The following ZHX1 variants were observed in gnomAD, a reference collection of about 807,000 sequenced individuals.
ZHX1 encodes the protein zinc fingers and homeoboxes protein 1.
Under a neutral mutation model 61.8 loss-of-function variants are expected in ZHX1, and 20 were observed. That is an observed-to-expected ratio of 0.32 (90% CI 0.23 to 0.47). The LOEUF (loss-of-function observed/expected upper bound fraction) is 0.47, where lower values mean the gene tolerates loss of function less well. ZHX1 is among the 20% of genes least tolerant of loss of function. The pLI is 1.00. For synonymous variants in ZHX1, 318 were observed against 352.6 expected, an observed-to-expected ratio of 0.90 and a Z score of 1.10; for missense variants, 800 against 1,034.8, an observed-to-expected ratio of 0.77 and a Z score of 3.11.
chr8:123,256,763 CAAA>C (rs746243163), intron 2 of ZHX1, among the ~76,000 whole-genome samples: 3 of 112,644 alleles, frequency 2.7e-5, no homozygotes. Flanking sequence ...GACTCCATCT[CAAA>C]AAAAAAAAAA....
At chr8:123,263,065 A>G (rs1826333040) in intron 2 of ZHX1, 1 of 149,990 alleles carries the variant, frequency 6.7e-6, no homozygotes, top group African/African-American at 2.5e-5. Flanking sequence ...GGCTTGGAAG[A>G]AGGAAGGAAG....
At position 123,256,065 on chromosome 8, in the gene ZHX1, C is replaced by G; in HGVS notation, c.-119G>C. The G allele has an allele frequency of 3.4e-6, 3 of 884,194 alleles. No homozygotes were observed. Among genetic ancestry groups the G allele is most frequent in the Non-Finnish European group, 5.0e-6 (3 of 595,236 alleles). The allele number at this position is 884,194 out of a possible 1,614,324, so 54.8% of individuals were successfully genotyped here. A position where few individuals can be genotyped will look rare whatever the true frequency, so the allele number is the denominator to read the frequency against. Reference sequence around the variant, plus strand: ...TCTTCAAGTCCATTTTTGTGCTCAACAAGTCTCATTAGCAGCTTTCTCATG... The same window carrying G: ...TCTTCAAGTCCATTTTTGTGCTCAAGAAGTCTCATTAGCAGCTTTCTCATG... On this transcript the variant is annotated 5_prime_UTR_variant, in exon 3 of 4. Coordinates refer to ENST00000395571, the MANE Select transcript of ZHX1 (RefSeq NM_007222.5).
rs749651690 is a variant in ZHX1, at chr8:123,253,856, G to A, written c.2091C>T (p.Ser697=). 133 of 1,614,150 alleles carry A rather than the reference G, an allele frequency of 8.2e-5. 1 individual carries two copies. The East Asian group carries it at 9.1e-4, about 11-fold the overall frequency. The change falls in exon 3 of 4, where the codon AGC becomes AGT. Residue 697 remains serine, a synonymous_variant. Transcript: ENST00000395571. ...TAACTATGTCTGTTCTAGCAAGCCC[G>A]CTTTCTTTGGCCAACTTGTCATACT... ...PEEYDKLAKE[S]GLARTDIVSW... is the part of the protein sequence containing the mutation.
chr8:123,265,640 A>C (rs1026945646), intron 2 of ZHX1, among the ~76,000 whole-genome samples: 3 of 152,256 alleles, frequency 2.0e-5, no homozygotes, highest in African/African-American at 7.2e-5. Context: ...AAATTAAATT[A>C]GGAATTTGAC....
At chr8:123,274,644 T>A (rs1391230851), upstream of ZHX1, 1 of 148,368 alleles carries the variant, frequency 6.7e-6, no homozygotes, top group Non-Finnish European at 1.5e-5. Flanking sequence ...CGCCCCAGAC[T>A]GCGGAAGCTC....
intron 1 of ZHX1, among the ~76,000 whole-genome samples, chr8:123,271,643 G>A (rs1289433862): frequency 6.6e-6 from 1 of 151,950 alleles, no homozygotes; most frequent in Non-Finnish European, 1.5e-5. Context: ...ATTAGCATAA[G>A]AAATATAATA....
At chr8:123,257,317 A>C (rs1213508544) in intron 2 of ZHX1, 2 of 152,272 alleles carry the variant, frequency 1.3e-5, no homozygotes, top group Non-Finnish European at 2.9e-5. Flanking sequence ...CTAATGTTGA[A>C]GGAATAAAGT....
In ZHX1 at chr8:123,253,780, A is replaced by G. The variant is rs1179289648; in HGVS notation, c.2167T>C (p.Tyr723His). ...YAWKNGNLKW[Y>H]YYYQSANSSS... ...GAATTGGCGCTCTGATAGTAGTAGT[A>G]CCATTTCAAGTTTCCATTCTTCCAA... Residue 723 changes from tyrosine to histidine, a missense_variant, in exon 3 of 4, where the codon TAC becomes CAC. Coordinates refer to ENST00000395571, the MANE Select transcript of ZHX1 (RefSeq NM_007222.5). 6.2e-7 allele frequency: 1 copy of G among 1,614,214 alleles called. No homozygotes were observed. Among genetic ancestry groups the G allele is most frequent in the Admixed American group, 1.7e-5 (1 of 60,030 alleles).
At chr8:123,267,068 A>T (rs1826482371) in intron 2 of ZHX1, among the ~76,000 whole-genome samples, 1 of 152,236 alleles carries the variant, frequency 6.6e-6, no homozygotes, top group African/African-American at 2.4e-5. Context: ...ATTATGAAGT[A>T]TGATGCCGTC....
chr8:123,249,834 A>AT lies in ZHX1; in HGVS notation c.*489_*490insA, dbSNP rs1825869974. ...GATAAATAAGACATAGTAATAAATC[A>AT]GGGTTTTTTTTTTTTTTTTTTTTTT... On this transcript the variant is annotated 3_prime_UTR_variant, in exon 4 of 4. Transcript: ENST00000395571. 1 of 135,016 alleles carries AT rather than the reference A, an allele frequency of 7.4e-6. No homozygotes were observed. The highest frequency in any genetic ancestry group is 1.6e-5 in the Non-Finnish European group (1 of 64,462). 8.4% of individuals were successfully genotyped at this position (135,016 alleles called of 1,614,324 possible). A position where few individuals can be genotyped will look rare whatever the true frequency, so the allele number is the denominator to read the frequency against.
upstream of ZHX1, among the ~76,000 whole-genome samples, chr8:123,275,134 C>T (rs1563818372): frequency 6.6e-6 from 1 of 152,270 alleles, no homozygotes; most frequent in Non-Finnish European, 1.5e-5. Context: ...CGAACCGCCA[C>T]TCGCTCTTCC....
chr8:123,254,152 T>C lies in ZHX1; in HGVS notation c.1795A>G (p.Asn599Asp). 1 of 1,614,190 alleles carries C rather than the reference T, an allele frequency of 6.2e-7. No individual in the cohort carries two copies. Reference protein sequence around the residue: ...NSSVLTDEELNRLRAQTKLTR... With the variant: ...NSSVLTDEELDRLRAQTKLTR... ...AGTTTGGTTTGTGCCCTTAACCTATTTAATTCTTCATCTGTAAGTACAGAG... is the reference window on the plus strand; with the variant it reads ...AGTTTGGTTTGTGCCCTTAACCTATCTAATTCTTCATCTGTAAGTACAGAG... Residue 599 changes from asparagine (N) to aspartate (D), a missense_variant, in exon 3 of 4, where the codon AAT becomes GAT. Asn to Asp is a conservative substitution (Grantham distance 23). Transcript: ENST00000395571. This position sits in a 1 kb window ranked among gnomAD's most constrained non-coding sequence, Gnocchi z 4.1.
At chr8:123,259,093 C>G (rs1015092382) in intron 2 of ZHX1, among the ~76,000 whole-genome samples, 1 of 152,132 alleles carries the variant, frequency 6.6e-6, no homozygotes, top group East Asian at 1.9e-4. Flanking sequence ...CGGTAAAATC[C>G]TCCTCACTGG....
At chr8:123,271,424 T>C (rs1826649354) in intron 1 of ZHX1, among the ~76,000 whole-genome samples, 1 of 152,196 alleles carries the variant, frequency 6.6e-6, no homozygotes, top group South Asian at 2.1e-4. Flanking sequence ...CTGACTATGA[T>C]ATTAGATTAA....
In ZHX1 at chr8:123,270,575, G is replaced by A. The variant is rs542967851; in HGVS notation, c.-339-3189C>T. 4.6e-5 allele frequency among the ~76,000 whole-genome samples: 7 copies of A among 151,760 alleles called. No homozygotes were observed. The South Asian group carries it at 1.5e-3, about 32-fold the overall frequency. ...GCAGAAGGATTGCTTGAGGCCAGGA[G>A]TTTGAGACCAGCTAGGGCAACACAG... On this transcript the variant is annotated intron_variant, in intron 1 of 3. Coordinates refer to ENST00000395571, the MANE Select transcript of ZHX1 (RefSeq NM_007222.5).
At chr8:123,252,261 A>G (rs1213196220) in intron 3 of ZHX1, among the ~76,000 whole-genome samples, 1 of 152,222 alleles carries the variant, frequency 6.6e-6, no homozygotes, top group Non-Finnish European at 1.5e-5. Context: ...TTTACCCCGG[A>G]ACACTCCAAA....
intron 1 of ZHX1, among the ~76,000 whole-genome samples, chr8:123,272,603 C>T (rs1826692669): frequency 6.6e-6 from 1 of 152,186 alleles, no homozygotes. Flanking sequence ...GACATAAAAA[C>T]AAATGACTTT....
chr8:123,271,442 GTGC>G (rs978522115), intron 1 of ZHX1, among the ~76,000 whole-genome samples: 5 of 152,008 alleles, frequency 3.3e-5, no homozygotes, highest in Non-Finnish European at 5.9e-5. Flanking sequence ...TAAAAACTAG[GTGC>G]TGAACTTTCA....
At position 123,248,925 on chromosome 8, in the gene ZHX1, G is replaced by C. The variant is rs1825844812; in HGVS notation, c.*1399C>G. 1 of 152,338 alleles carries C rather than the reference G, an allele frequency of 6.6e-6. No homozygotes were observed. The highest frequency in any genetic ancestry group is 1.5e-5 in the Non-Finnish European group (1 of 67,980). The allele number at this position is 152,338 out of a possible 1,614,324, so 9.4% of individuals were successfully genotyped here. A position where few individuals can be genotyped will look rare whatever the true frequency, so the allele number is the denominator to read the frequency against. On this transcript the variant is annotated 3_prime_UTR_variant, in exon 4 of 4. Transcript: ENST00000395571. ...GCCAGCTGTCTGAGTGAGGAAATCA[G>C]CTACATTGCAGCATTTTGGAATTAC...
Sources: allele counts gnomAD v4.1 joint callset (sites outside exome capture counted in the v4.1 genomes callset), GRCh38; gene constraint gnomAD v4.1.1; non-coding constraint Gnocchi (gnomAD v3.1); transcripts MANE v1.5; gene names NCBI Gene and HGNC (gene_info 2026-07-23, HGNC 2026-07-21).